AKAP19: variants seen among roughly 807,000 people sequenced by gnomAD.
The protein encoded by AKAP19 is A-kinase anchoring protein 19, also known as small A-kinase anchoring protein.
the AKAP19 span, among the ~76,000 whole-genome samples, chr2:189,968,569 T>C: frequency 2.0e-5 from 3 of 152,204 alleles, no homozygotes; most frequent in African/African-American, 7.2e-5. Flanking sequence ...TTTTTTACTG[T>C]ACTTAAGCAA....
At chr2:190,171,695 G>A in the AKAP19 span, among the ~76,000 whole-genome samples, 2 of 152,058 alleles carry the variant, frequency 1.3e-5, no homozygotes, top group Non-Finnish European at 2.9e-5. Flanking sequence ...AAATTCAATG[G>A]ACAGTGTTTC....
the AKAP19 span, among the ~76,000 whole-genome samples, chr2:189,975,259 T>G: frequency 1.3e-5 from 2 of 152,206 alleles, no homozygotes; most frequent in African/African-American, 4.8e-5. Context: ...TGGCTGGATA[T>G]GAAATTCTGG....
the AKAP19 span, among the ~76,000 whole-genome samples, chr2:190,191,548 A>G: frequency 6.6e-6 from 1 of 152,166 alleles, no homozygotes. Flanking sequence ...ACTTTGTGAG[A>G]AACTGCCAAA....
chr2:189,881,493 A>G, the AKAP19 span, among the ~76,000 whole-genome samples: 12 of 152,204 alleles, frequency 7.9e-5, no homozygotes, highest in Non-Finnish European at 1.6e-4. Flanking sequence ...GAAAAACAAT[A>G]AACAAAAGAA....
the AKAP19 span, among the ~76,000 whole-genome samples, chr2:190,082,874 G>A: frequency 6.6e-6 from 1 of 152,098 alleles, no homozygotes; most frequent in Non-Finnish European, 1.5e-5. Context: ...GTTTCTACTT[G>A]TTCCAAATGT....
the AKAP19 span, among the ~76,000 whole-genome samples, chr2:190,156,197 A>G: frequency 6.6e-6 from 1 of 152,162 alleles, no homozygotes; most frequent in Non-Finnish European, 1.5e-5. Context: ...TTTAATAAAA[A>G]TGGTATTTCA....
At chr2:189,884,884 G>A in the AKAP19 span, among the ~76,000 whole-genome samples, 6 of 152,156 alleles carry the variant, frequency 3.9e-5, no homozygotes, top group Non-Finnish European at 8.8e-5. Context: ...ACTTGGATTA[G>A]CAAGAGTGCA....
At chr2:190,062,092 GA>G in the AKAP19 span, 1 of 936,998 alleles carries the variant, frequency 1.1e-6, no homozygotes, top group Non-Finnish European at 1.6e-6. Context: ...TTGAAAAAGA[GA>G]AACTCTTTTC....
chr2:190,025,690 G>A, the AKAP19 span, among the ~76,000 whole-genome samples: 2 of 152,154 alleles, frequency 1.3e-5, no homozygotes, highest in East Asian at 3.8e-4. Flanking sequence ...TTGCTAATGG[G>A]CAGTATTTGC....
At chr2:190,134,342 A>G in the AKAP19 span, among the ~76,000 whole-genome samples, 1 of 152,182 alleles carries the variant, frequency 6.6e-6, no homozygotes, top group African/African-American at 2.4e-5. Flanking sequence ...TTTGTGGGAT[A>G]TAGCTTTAAA....
the AKAP19 span, among the ~76,000 whole-genome samples, chr2:190,048,085 C>T: frequency 1.3e-5 from 2 of 152,186 alleles, no homozygotes; most frequent in Non-Finnish European, 2.9e-5. Flanking sequence ...AATCATCATA[C>T]TGTTTTCGCA....
the AKAP19 span, among the ~76,000 whole-genome samples, chr2:189,883,019 A>G: frequency 1.3e-5 from 2 of 151,986 alleles, no homozygotes; most frequent in African/African-American, 2.4e-5. Flanking sequence ...CACAATTCCT[A>G]TTCCTCCTTA....
the AKAP19 span, among the ~76,000 whole-genome samples, chr2:189,973,475 G>C: frequency 2.0e-5 from 3 of 152,150 alleles, no homozygotes; most frequent in Non-Finnish European, 4.4e-5. Context: ...CCAGGCTTTG[G>C]TATCAGGATG....
the AKAP19 span, chr2:189,923,783 G>A: frequency 5.0e-6 from 8 of 1,612,842 alleles, no homozygotes; most frequent in Non-Finnish European, 6.8e-6. Context: ...GCGTGTATCA[G>A]GAAACACTTC....
At chr2:190,119,652 A>G in the AKAP19 span, among the ~76,000 whole-genome samples, 1 of 152,242 alleles carries the variant, frequency 6.6e-6, no homozygotes, top group Non-Finnish European at 1.5e-5. Context: ...ATGCTAGACA[A>G]GAGCTGCGAA....
chr2:189,922,639 T>G, the AKAP19 span, among the ~76,000 whole-genome samples: 1 of 152,188 alleles, frequency 6.6e-6, no homozygotes, highest in Non-Finnish European at 1.5e-5. Context: ...CCAGCTGAGG[T>G]TGAACAAGTC....
the AKAP19 span, among the ~76,000 whole-genome samples, chr2:190,159,779 A>G: frequency 6.6e-6 from 1 of 152,236 alleles, no homozygotes; most frequent in Non-Finnish European, 1.5e-5. Flanking sequence ...CATGGAAGCC[A>G]ATGAAGAAAG....
At chr2:190,055,498 G>A in the AKAP19 span, among the ~76,000 whole-genome samples, 5 of 152,072 alleles carry the variant, frequency 3.3e-5, no homozygotes, top group Admixed American at 6.6e-5. Flanking sequence ...AAAAAAAAGA[G>A]AAATGAAACA....
chr2:189,921,619 T>C, the AKAP19 span, among the ~76,000 whole-genome samples: 1 of 152,168 alleles, frequency 6.6e-6, no homozygotes, highest in South Asian at 2.1e-4. Flanking sequence ...TCCTTCCTAT[T>C]TTTAATATGG....
Sources: allele counts gnomAD v4.1 joint callset (sites outside exome capture counted in the v4.1 genomes callset), GRCh38; gene constraint gnomAD v4.1.1; transcripts MANE v1.5; gene names NCBI Gene and HGNC (gene_info 2026-07-23, HGNC 2026-07-21).